DRD3: variants seen among roughly 807,000 people sequenced by gnomAD.
DRD3 encodes the protein dopamine receptor D3.
DRD3 carries 19 observed loss-of-function variants against 36.3 expected under a neutral mutation model. That is an observed-to-expected ratio of 0.52 (90% CI 0.36 to 0.77). DRD3 has a LOEUF of 0.77. Ranked by LOEUF, DRD3 falls within the 30% of genes least tolerant of loss-of-function variation. DRD3 has a pLI of 0.00. For synonymous variants in DRD3, 195 were observed against 203.7 expected (o/e 0.96, Z 0.36); for missense variants, 465 against 505.3 (o/e 0.92, Z 0.77).
At chr3:114,193,872 G>A (rs2078024077) in intron 1 of DRD3, among the ~76,000 whole-genome samples, 1 of 152,182 alleles carries the variant, frequency 6.6e-6, no homozygotes, top group Admixed American at 6.5e-5. Context: ...ATATAAAACA[G>A]TTTCATTTGG....
At chr3:114,139,918 A>C (rs943057608) in intron 4 of DRD3, among the ~76,000 whole-genome samples, 1 of 152,178 alleles carries the variant, frequency 6.6e-6, no homozygotes, top group Non-Finnish European at 1.5e-5. Context: ...AGTTACCAAC[A>C]ATCATACGCC....
intron 1 of DRD3, among the ~76,000 whole-genome samples, chr3:114,196,520 G>T (rs1027050897): frequency 6.6e-6 from 1 of 152,126 alleles, no homozygotes; most frequent in Non-Finnish European, 1.5e-5. Context: ...ACTAAGGCAT[G>T]GAATGACTGG....
intron 1 of DRD3, among the ~76,000 whole-genome samples, chr3:114,188,472 A>G (rs538881494): frequency 5.3e-5 from 8 of 152,134 alleles, no homozygotes; most frequent in Non-Finnish European, 8.8e-5. Context: ...TGGGCCTCCT[A>G]AAGTGCTGGG....
Position 114,147,487 on chromosome 3 carries a change from G to A in DRD3, c.454C>T (p.Leu152Phe). 2 of 1,614,036 alleles carry A rather than the reference G, an allele frequency of 1.2e-6. No individual in the cohort carries two copies. Among genetic ancestry groups the A allele is most frequent in the Non-Finnish European group, 1.7e-6 (2 of 1,180,004 alleles). ...AGTACCCAGACGGCCGTGATCATGAGGGCCACGCGCCGACAGGAGCTCTGT... is the reference window on the plus strand; with the variant it reads ...AGTACCCAGACGGCCGTGATCATGAAGGCCACGCGCCGACAGGAGCTCTGT... ...TGQSSCRRVA[L>F]MITAVWVLAF... The change falls in exon 4 of 7, where the codon CTC (leucine) becomes TTC (phenylalanine). Residue 152 changes from leucine (L) to phenylalanine (F), a missense_variant. Coordinates refer to ENST00000383673, the MANE Select transcript of DRD3 (RefSeq NM_000796.6).
chr3:114,168,564 T>C (rs547494555), intron 2 of DRD3, among the ~76,000 whole-genome samples: 2 of 152,174 alleles, frequency 1.3e-5, no homozygotes, highest in African/African-American at 4.8e-5. Context: ...ATGCTCTCTC[T>C]CTCTCTCTCT....
intron 3 of DRD3, among the ~76,000 whole-genome samples, chr3:114,151,938 A>G (rs950558716): frequency 2.0e-5 from 3 of 152,246 alleles, no homozygotes; most frequent in Non-Finnish European, 4.4e-5. Flanking sequence ...AGTTTCCTCA[A>G]TTCGCTCGAT....
At chr3:114,154,461 C>A (rs1293254502) in intron 3 of DRD3, among the ~76,000 whole-genome samples, 2 of 152,050 alleles carry the variant, frequency 1.3e-5, no homozygotes, top group Non-Finnish European at 2.9e-5. Flanking sequence ...GTTTAATGAG[C>A]CCCAGAGTTC....
intron 1 of DRD3, among the ~76,000 whole-genome samples, chr3:114,177,459 A>C (rs146549127): frequency 1.6e-3 from 238 of 152,286 alleles, no homozygotes; most frequent in African/African-American, 5.4e-3. Context: ...TTTCCTTCAC[A>C]ACCTCTAGAG....
upstream of DRD3, among the ~76,000 whole-genome samples, chr3:114,182,769 C>T (rs2077955245): frequency 6.6e-6 from 1 of 152,130 alleles, no homozygotes; most frequent in Non-Finnish European, 1.5e-5. Flanking sequence ...CTTTTTCAGA[C>T]TGGCTTATTT....
chr3:114,175,179 T>C (rs190516349), intron 1 of DRD3, among the ~76,000 whole-genome samples: 95 of 152,262 alleles, frequency 6.2e-4, no homozygotes, highest in African/African-American at 1.8e-3. Flanking sequence ...CATTGCCACA[T>C]ATCCTGGAGC....
intron 5 of DRD3, 112 bp from the exon 6 acceptor site, chr3:114,131,512 G>C: frequency 7.9e-6 from 11 of 1,397,884 alleles, no homozygotes; most frequent in Non-Finnish European, 1.1e-5. Context: ...CACAGTTGTG[G>C]GAAACCTACA....
rs528104150 is a variant in DRD3 at position 114,144,842 on chromosome 3, G to A, written c.526+2573C>T. 9.3e-4 allele frequency among the ~76,000 whole-genome samples: 141 copies of A among 152,192 alleles called. 3 individuals carry two copies. In the South Asian group the frequency reaches 0.028, roughly 30 times the overall value. On this transcript the variant is annotated intron_variant, in intron 4 of 6. Coordinates refer to ENST00000383673, the MANE Select transcript of DRD3 (RefSeq NM_000796.6). ...TGAGAGACGAGAGAGAAGTGAGAGC[G>A]CACATACTAAGTCACAGGCCTTTTC...
intron 2 of DRD3, 33 bp from the exon 3 acceptor site, chr3:114,159,900 C>T: frequency 6.3e-7 from 1 of 1,599,296 alleles, no homozygotes; most frequent in Non-Finnish European, 8.6e-7. Context: ...TTAGTGTTTA[C>T]CCCAGTGAAG....
At chr3:114,138,696 G>T (rs1029382262) in intron 5 of DRD3, among the ~76,000 whole-genome samples, 4 of 152,158 alleles carry the variant, frequency 2.6e-5, no homozygotes, top group African/African-American at 9.7e-5. Context: ...CTTCATAATT[G>T]AGTGCTTAAT....
chr3:114,155,438 G>A (rs910823180), intron 3 of DRD3, among the ~76,000 whole-genome samples: 9 of 152,104 alleles, frequency 5.9e-5, no homozygotes, highest in Admixed American at 3.3e-4. Flanking sequence ...GTGTATTCTC[G>A]GAGTTTTCCT....
At chr3:114,130,553 T>A (rs371689606) in intron 6 of DRD3, among the ~76,000 whole-genome samples, 3 of 151,658 alleles carry the variant, frequency 2.0e-5, no homozygotes, top group East Asian at 2.0e-4. Context: ...GCCTCCTGAG[T>A]AGCTGGGACT....
chr3:114,155,338 T>C lies in DRD3; in HGVS notation c.383+4417A>G, dbSNP rs186211013. Among the ~76,000 whole-genome samples, 29 of 152,216 alleles carry C rather than the reference T, an allele frequency of 1.9e-4. No homozygotes were observed. In the East Asian group the frequency reaches 4.7e-3, roughly 24 times the overall value. ...CATTTTGAGGCTTGGTGAGAATTCA[T>C]TGGCCCATATAGAACTATGAGCCAA... On this transcript the variant is annotated intron_variant, in intron 3 of 6. Transcript: ENST00000383673.
intron 5 of DRD3, among the ~76,000 whole-genome samples, chr3:114,137,714 G>A (rs763482141): frequency 1.5e-4 from 23 of 152,000 alleles, no homozygotes; most frequent in East Asian, 3.9e-4. Context: ...AGATGTGGCC[G>A]GGCGCGGTGG....
rs550370901 is a variant in DRD3, at chr3:114,147,265, G to C, written c.526+150C>G. 4.9e-5 allele frequency: 50 copies of C among 1,015,558 alleles called. 1 individual carries two copies. In the South Asian group the frequency reaches 9.4e-4, roughly 19 times the overall value. 62.9% of individuals were successfully genotyped at this position (1,015,558 alleles called of 1,614,324 possible). Reference sequence around the variant, plus strand: ...TATATTTTATTTATAACCCACAAAGGCCAAAGCTTTGCATTCTGTGGCATT... The same window carrying C: ...TATATTTTATTTATAACCCACAAAGCCCAAAGCTTTGCATTCTGTGGCATT... On this transcript the variant is annotated intron_variant, in intron 4 of 6. Transcript: ENST00000383673.
Sources: gnomAD v4.1 joint callset for allele counts (sites outside exome capture counted in the v4.1 genomes callset) on GRCh38, gnomAD v4.1.1 for gene constraint, MANE v1.5 for transcripts, NCBI Gene and HGNC (gene_info 2026-07-23, HGNC 2026-07-21) for gene names.